Variants in SLC16A10 observed in about 807,000 individuals in gnomAD.
The protein encoded by SLC16A10 is solute carrier family 16 member 10, also known as monocarboxylate transporter 10.
In SLC16A10, 27 loss-of-function variants were observed where a neutral mutation model predicts 40.0. The observed-to-expected ratio is 0.67, with a 90% confidence interval of 0.50 to 0.93. The LOEUF is 0.93. SLC16A10 is among the 40% of genes least tolerant of loss of function. The probability of loss-of-function intolerance (pLI) is 0.00; values close to 1 mark genes in which losing one functional copy is unlikely to be tolerated. For missense variants in SLC16A10, 529 were observed against 658.2 expected (o/e 0.80, Z 2.15); for synonymous variants, 213 against 249.8 (o/e 0.85, Z 1.39).
chr6:111,141,610 C>T (rs904631162), intron 1 of SLC16A10, among the ~76,000 whole-genome samples: 7 of 151,664 alleles, frequency 4.6e-5, no homozygotes, highest in African/African-American at 7.3e-5. Context: ...TGTGATGAGC[C>T]GAGATCACAC....
intron 3 of SLC16A10, among the ~76,000 whole-genome samples, chr6:111,196,400 C>T (rs966060963): frequency 1.3e-5 from 2 of 152,112 alleles, no homozygotes; most frequent in African/African-American, 4.8e-5. Context: ...CCCATGGTCC[C>T]AGCTACTTAG....
chr6:111,220,900 T>G (rs991437873), intron 5 of SLC16A10, among the ~76,000 whole-genome samples: 1 of 152,230 alleles, frequency 6.6e-6, no homozygotes, highest in East Asian at 1.9e-4. Flanking sequence ...GAGGGCATCA[T>G]AGTATTACAG....
chr6:111,099,342 G>T (rs1046450364), intron 1 of SLC16A10, among the ~76,000 whole-genome samples: 2 of 152,144 alleles, frequency 1.3e-5, no homozygotes, highest in Non-Finnish European at 1.5e-5. Context: ...TTGAGACTGG[G>T]TCCTGCTCTG....
intron 3 of SLC16A10, among the ~76,000 whole-genome samples, chr6:111,189,015 C>G (rs890267972): frequency 1.3e-5 from 2 of 152,118 alleles, no homozygotes; most frequent in Non-Finnish European, 1.5e-5. Context: ...GTTTGACTTG[C>G]TCTAATTATA....
intron 3 of SLC16A10, among the ~76,000 whole-genome samples, chr6:111,179,208 A>G (rs922208850): frequency 2.0e-5 from 3 of 152,158 alleles, no homozygotes; most frequent in African/African-American, 7.2e-5. Flanking sequence ...CTAGACATTT[A>G]CCAAAGGAAA....
chr6:111,180,963 C>T (rs1433604354), intron 3 of SLC16A10, among the ~76,000 whole-genome samples: 1 of 152,070 alleles, frequency 6.6e-6, no homozygotes, highest in East Asian at 1.9e-4. Context: ...CCCTGTAATC[C>T]CAGCACTTTG....
intron 1 of SLC16A10, among the ~76,000 whole-genome samples, chr6:111,142,353 A>C (rs551759535): frequency 6.6e-6 from 1 of 152,354 alleles, no homozygotes; most frequent in Non-Finnish European, 1.5e-5. Flanking sequence ...TACACCCTTC[A>C]CAAAAATGAA....
At chr6:111,142,316 T>TA (rs1244698092) in intron 1 of SLC16A10, among the ~76,000 whole-genome samples, 3 of 152,086 alleles carry the variant, frequency 2.0e-5, no homozygotes, top group Admixed American at 6.6e-5. Flanking sequence ...TGTCCACATG[T>TA]AAAAAAATGA....
At chr6:111,201,479 A>C (rs1773167157) in intron 3 of SLC16A10, among the ~76,000 whole-genome samples, 1 of 152,184 alleles carries the variant, frequency 6.6e-6, no homozygotes, top group Non-Finnish European at 1.5e-5. Context: ...CTCTGTCAGA[A>C]ATAAAGTTAC....
rs1023203254 is a variant in SLC16A10 at position 111,162,832 on chromosome 6, A to G, written c.344-9863A>G. ...GATCAGCAATGTTTTAAGCAAAAAA[A>G]GATTACTTCAGCTTTCTATTAGTTC... is the stretch of plus-strand genomic sequence containing the variant. On this transcript the variant is annotated intron_variant, in intron 1 of 5. Coordinates refer to ENST00000368851, the MANE Select transcript of SLC16A10 (RefSeq NM_018593.5). 2.0e-5 allele frequency among the ~76,000 whole-genome samples: 3 copies of G among 152,172 alleles called. No homozygotes were observed. In the South Asian group the frequency reaches 6.2e-4, roughly 32 times the overall value.
intron 1 of SLC16A10, among the ~76,000 whole-genome samples, chr6:111,151,878 T>G (rs180683197): frequency 1.3e-5 from 2 of 152,328 alleles, no homozygotes; most frequent in Admixed American, 6.5e-5. Context: ...ACAGTGGTTA[T>G]TTTTTCCCTG....
intron 4 of SLC16A10, among the ~76,000 whole-genome samples, chr6:111,214,040 A>T (rs1773384549): frequency 6.6e-6 from 1 of 152,270 alleles, no homozygotes; most frequent in East Asian, 1.9e-4. Flanking sequence ...CTAAACTGAC[A>T]TTTCTCCAGC....
chr6:111,090,365 C>T (rs1477441813), intron 1 of SLC16A10, among the ~76,000 whole-genome samples: 1 of 152,200 alleles, frequency 6.6e-6, no homozygotes, highest in Non-Finnish European at 1.5e-5. Flanking sequence ...GAAAACCAGC[C>T]TGGGCTCTGG....
chr6:111,192,170 T>C (rs1414597451), intron 3 of SLC16A10, among the ~76,000 whole-genome samples: 1 of 152,156 alleles, frequency 6.6e-6, no homozygotes, highest in Non-Finnish European at 1.5e-5. Context: ...GGCTGCAAAT[T>C]TTCCAAACTT....
At chr6:111,140,688 C>T (rs771397717) in intron 1 of SLC16A10, among the ~76,000 whole-genome samples, 2 of 152,108 alleles carry the variant, frequency 1.3e-5, no homozygotes, top group African/African-American at 2.4e-5. Context: ...ATGCTTTCTA[C>T]CTTGACAAAC....
intron 4 of SLC16A10, among the ~76,000 whole-genome samples, chr6:111,212,404 G>T (rs1773359366): frequency 6.6e-6 from 1 of 152,194 alleles, no homozygotes; most frequent in Non-Finnish European, 1.5e-5. Context: ...AGGTAACAAA[G>T]AATTTATGAA....
chr6:111,212,384 C>T (rs1368790266), intron 4 of SLC16A10, among the ~76,000 whole-genome samples: 3 of 152,194 alleles, frequency 2.0e-5, no homozygotes, highest in Middle Eastern at 3.2e-3. Context: ...GAATTAGAGT[C>T]TTTGCTTATA....
At position 111,087,944 on chromosome 6, in the gene SLC16A10, C is replaced by G. The variant is rs756125207; in HGVS notation, c.192C>G (p.Pro64=). 2.5e-6 allele frequency: 4 copies of G among 1,609,788 alleles called. No individual in the cohort carries two copies. The highest frequency in any genetic ancestry group is 3.4e-6 in the Non-Finnish European group (4 of 1,178,500). Reference sequence around the variant, plus strand: ...CGGAGCCCCATGAGCCCCCCGAACCCCCCGAGGGCGGCTGGGGCTGGCTGG... The same window carrying G: ...CGGAGCCCCATGAGCCCCCCGAACCGCCCGAGGGCGGCTGGGGCTGGCTGG... ...ATAEPHEPPE[P]PEGGWGWLVM... Residue 64 remains proline (P), a synonymous_variant, in exon 1 of 6, where the codon CCC becomes CCG. Transcript: ENST00000368851.
chr6:111,112,961 G>GA (rs1341614687), intron 1 of SLC16A10, among the ~76,000 whole-genome samples: 2 of 152,124 alleles, frequency 1.3e-5, no homozygotes, highest in Admixed American at 1.3e-4. Context: ...CAAAACACAA[G>GA]AACTCCAGTG....
Sources: allele counts gnomAD v4.1 joint callset (sites outside exome capture counted in the v4.1 genomes callset), GRCh38; gene constraint gnomAD v4.1.1; transcripts MANE v1.5; gene names NCBI Gene and HGNC (gene_info 2026-07-23, HGNC 2026-07-21).